DNAH9: variants seen among roughly 807,000 people sequenced by gnomAD.
The protein encoded by DNAH9 is dynein axonemal heavy chain 9, also known as DNAH9 variant protein.
In DNAH9, 345 loss-of-function variants were observed where a neutral mutation model predicts 471.6. The observed-to-expected ratio is 0.73, with a 90% CI of 0.67 to 0.80. DNAH9 has a LOEUF of 0.80. DNAH9 is among the 30% of genes least tolerant of loss of function. The probability of loss-of-function intolerance (pLI) is 0.00; values close to 1 mark genes in which losing one functional copy is unlikely to be tolerated. For synonymous variants in DNAH9, 2,093 were observed against 2,123.6 expected (o/e 0.99, Z 0.40); for missense variants, 5,407 against 5,609.2 (o/e 0.96, Z 1.15).
At chr17:11,636,967 C>A (rs1034581753) in intron 9 of DNAH9, among the ~76,000 whole-genome samples, 183 bp downstream of exon 9, 6 of 152,350 alleles carry the variant, frequency 3.9e-5, no homozygotes, top group African/African-American at 1.2e-4. Flanking sequence ...TGAACTACGG[C>A]TTTCCCTGTT....
intron 13 of DNAH9, 99 bp downstream of exon 13, chr17:11,651,423 G>T: frequency 2.4e-6 from 3 of 1,274,262 alleles, no homozygotes; most frequent in Non-Finnish European, 1.1e-6. Context: ...TCTTATTTGG[G>T]GTTGAAACAT....
chr17:11,757,727 G>A (rs1458161538), intron 35 of DNAH9, 35 bp downstream of exon 35: 14 of 1,609,302 alleles, frequency 8.7e-6, no homozygotes, highest in Non-Finnish European at 1.2e-5. Flanking sequence ...GAGAGTTAAA[G>A]CAGCAATAAA....
chr17:11,685,532 G>C (rs1169637619), intron 19 of DNAH9, among the ~76,000 whole-genome samples: 1 of 152,170 alleles, frequency 6.6e-6, no homozygotes, highest in Non-Finnish European at 1.5e-5. Flanking sequence ...CAATGGGAGA[G>C]TGGTTCCAAC....
intron 58 of DNAH9, 96 bp from the exon 59 acceptor site, chr17:11,894,278 A>C: frequency 6.6e-7 from 1 of 1,506,468 alleles, no homozygotes; most frequent in Non-Finnish European, 9.0e-7. Flanking sequence ...AACTAGTATT[A>C]GAGGCAGTAA....
At chr17:11,602,267 A>G (rs1322506517) in intron 1 of DNAH9, among the ~76,000 whole-genome samples, 1 of 152,140 alleles carries the variant, frequency 6.6e-6, no homozygotes, top group East Asian at 1.9e-4. Context: ...TGAAATTTAG[A>G]CATCATATAT....
In DNAH9 at chr17:11,619,782, G is replaced by T. The variant is rs897720300; in HGVS notation, c.1350+1G>T. 2.5e-6 allele frequency: 4 copies of T among 1,572,716 alleles called. No homozygotes were observed. Among genetic ancestry groups the T allele is most frequent in the Non-Finnish European group, 3.5e-6 (4 of 1,142,416 alleles). ...CCTGGGACAACTGCACGTGGTGGAG[G>T]TGAGTGCGCACCTCACCTCAGGCTG... is the stretch of plus-strand genomic sequence containing the variant. On this transcript the variant is annotated splice_donor_variant, in intron 6 of 68. Coordinates refer to ENST00000262442, the MANE Select transcript of DNAH9 (RefSeq NM_001372.4). LOFTEE classifies it high-confidence loss of function.
chr17:11,648,316 A>C (rs1567689271), intron 12 of DNAH9, among the ~76,000 whole-genome samples: 1 of 152,200 alleles, frequency 6.6e-6, no homozygotes, highest in Non-Finnish European at 1.5e-5. Flanking sequence ...AATATAGAGA[A>C]TTCATGTCTT....
chr17:11,669,179 T>G lies in DNAH9; in HGVS notation c.2847T>G (p.Val949=), dbSNP rs200069044. 6.2e-5 allele frequency: 100 copies of G among 1,613,950 alleles called. No individual in the cohort carries two copies. Among genetic ancestry groups the G allele is most frequent in the Non-Finnish European group, 8.1e-5 (96 of 1,179,974 alleles). ...TGAAGGGGGGTTTCTGTGACATTGTTGAGGGTCTCATCACCAGCATTTTTA... is the reference window on the plus strand; with the variant it reads ...TGAAGGGGGGTTTCTGTGACATTGTGGAGGGTCTCATCACCAGCATTTTTA... ...SGVKGGFCDI[V]EGLITSIFRI... The change falls in exon 16 of 69, where the codon GTT becomes GTG. Residue 949 remains valine (V), a synonymous_variant. Transcript: ENST00000262442.
At chr17:11,966,909 C>T (rs1427367458) in intron 68 of DNAH9, among the ~76,000 whole-genome samples, 1 of 151,406 alleles carries the variant, frequency 6.6e-6, no homozygotes, top group Non-Finnish European at 1.5e-5. Context: ...GTGGCACACA[C>T]CTGGAGTCCC....
intron 61 of DNAH9, among the ~76,000 whole-genome samples, chr17:11,914,431 A>G (rs1308227445): frequency 6.6e-6 from 1 of 151,764 alleles, no homozygotes; most frequent in African/African-American, 2.4e-5. Context: ...CCTGGGACCT[A>G]TTTTCTTTAT....
chr17:11,764,950 T>C (rs1049585564), intron 36 of DNAH9, among the ~76,000 whole-genome samples: 2 of 152,184 alleles, frequency 1.3e-5, no homozygotes, highest in African/African-American at 4.8e-5. Context: ...ATAAAGTGAT[T>C]TTAAAAAATA....
At chr17:11,757,437 C>A in intron 34 of DNAH9, 108 bp from the exon 35 acceptor site, 1 of 1,061,892 alleles carries the variant, frequency 9.4e-7, no homozygotes, top group Non-Finnish European at 1.4e-6. Flanking sequence ...CTTTTCTTTT[C>A]AGTCCAGTCT....
intron 1 of DNAH9, among the ~76,000 whole-genome samples, chr17:11,604,172 G>T (rs1418396115): frequency 6.6e-6 from 1 of 151,952 alleles, no homozygotes; most frequent in African/African-American, 2.4e-5. Context: ...ACAGGTGCCC[G>T]CCACCATGCC....
At chr17:11,847,015 G>T (rs1971248198) in intron 49 of DNAH9, among the ~76,000 whole-genome samples, 1 of 151,652 alleles carries the variant, frequency 6.6e-6, no homozygotes, top group African/African-American at 2.4e-5. Flanking sequence ...CTGCCTAATT[G>T]CCCTGGCCAG....
intron 61 of DNAH9, among the ~76,000 whole-genome samples, chr17:11,909,846 T>C (rs1973734983): frequency 6.6e-6 from 1 of 152,240 alleles, no homozygotes; most frequent in Non-Finnish European, 1.5e-5. Flanking sequence ...CATCACCATA[T>C]GCTAATTTTC....
chr17:11,703,790 A>G (rs560111235), intron 24 of DNAH9, among the ~76,000 whole-genome samples: 1 of 152,294 alleles, frequency 6.6e-6, no homozygotes, highest in Non-Finnish European at 1.5e-5. Context: ...TCACTAAATT[A>G]GGTTGTCAGA....
At position 11,867,022 on chromosome 17, in the gene DNAH9, A is replaced by G. The variant is rs528608567; in HGVS notation, c.9934-2112A>G. ...CTTCAGCTCGCGCATGGTGCGCTGCACCCACTGACCTGTGCCCACTCTCTG... is the reference window on the plus strand; with the variant it reads ...CTTCAGCTCGCGCATGGTGCGCTGCGCCCACTGACCTGTGCCCACTCTCTG... On this transcript the variant is annotated intron_variant, in intron 50 of 68. Coordinates refer to ENST00000262442, the MANE Select transcript of DNAH9 (RefSeq NM_001372.4). Among the ~76,000 whole-genome samples the G allele has an allele frequency of 2.0e-5, 3 of 152,296 alleles. No homozygotes were observed. The East Asian group carries it at 5.8e-4, about 29-fold the overall frequency.
At position 11,598,521 on chromosome 17, in the gene DNAH9, C is replaced by T; in HGVS notation, c.23C>T (p.Ala8Val). The change falls in exon 1 of 69, where the codon GCC (alanine) becomes GTC (valine). Residue 8 changes from alanine (A) to valine (V), a missense_variant. This residue lies in a region of DNAH9 where 767 missense variants were observed against 692.5 expected (regional missense o/e 1.11). Transcript: ENST00000262442. ...GCGATGCGGCTCGCGGAGGAGCGGG[C>T]CGCGCTCGCGGCGGAGAACGCGGAT... MRLAEER[A>V]ALAAENADGE... is the part of the protein sequence containing the mutation. 1.5e-6 allele frequency: 2 copies of T among 1,345,748 alleles called. No homozygotes were observed. The highest frequency in any genetic ancestry group is 9.6e-7 in the Non-Finnish European group (1 of 1,044,560). 83.4% of individuals were successfully genotyped at this position (1,345,748 alleles called of 1,614,324 possible). A position where few individuals can be genotyped will look rare whatever the true frequency, so the allele number is the denominator to read the frequency against.
chr17:11,747,721 G>A lies in DNAH9; in HGVS notation c.6565G>A (p.Glu2189Lys), dbSNP rs1373202190. The change falls in exon 32 of 69, where the codon GAG (glutamate) becomes AAG (lysine). Residue 2189 changes from glutamate to lysine, a missense_variant. Physicochemically the swap from Glu to Lys is moderately conservative, Grantham distance 56 (BLOSUM62 1). This residue lies in a region of DNAH9 where 4,636 missense variants were observed against 4,900.3 expected (regional missense o/e 0.95). Coordinates refer to ENST00000262442, the MANE Select transcript of DNAH9 (RefSeq NM_001372.4). Reference protein sequence around the residue: ...DLNPKAVTNDELFGIINPATG... With the variant: ...DLNPKAVTNDKLFGIINPATG... ...CAATCCCAAAGCAGTCACAAATGAT[G>A]AGCTCTTTGGCATCATCAATCCAGC... The A allele has an allele frequency of 1.9e-6, 3 of 1,614,130 alleles. No homozygotes were observed. The highest frequency in any genetic ancestry group is 2.5e-6 in the Non-Finnish European group (3 of 1,180,012).
Sources: allele counts gnomAD v4.1 joint callset (sites outside exome capture counted in the v4.1 genomes callset), GRCh38; gene constraint gnomAD v4.1.1; regional missense constraint gnomAD v4.1.1; transcripts MANE v1.5; gene names NCBI Gene and HGNC (gene_info 2026-07-23, HGNC 2026-07-21).